AKAP19: variants seen among roughly 807,000 people sequenced by gnomAD.
AKAP19 encodes A-kinase anchoring protein 19, also known as small A-kinase anchoring protein.
At chr2:190,002,753 C>T in the AKAP19 span, among the ~76,000 whole-genome samples, 1 of 152,006 alleles carries the variant, frequency 6.6e-6, no homozygotes, top group Non-Finnish European at 1.5e-5. Context: ...TCTATTTTTT[C>T]CTTCTGTCTC....
the AKAP19 span, among the ~76,000 whole-genome samples, chr2:189,963,358 C>G: frequency 4.0e-5 from 6 of 151,464 alleles, no homozygotes; most frequent in Non-Finnish European, 8.8e-5. Context: ...CCACACCTGG[C>G]TAATTTTTTT....
chr2:189,945,358 C>G, the AKAP19 span, among the ~76,000 whole-genome samples: 1 of 152,158 alleles, frequency 6.6e-6, no homozygotes, highest in East Asian at 1.9e-4. Flanking sequence ...AGAATTGGTG[C>G]CTTCTGCCAA....
the AKAP19 span, among the ~76,000 whole-genome samples, chr2:190,083,653 G>T: frequency 4.0e-5 from 6 of 151,804 alleles, no homozygotes; most frequent in African/African-American, 1.4e-4. Context: ...GAACTCTAGG[G>T]CGTGAGTTAT....
chr2:189,885,763 G>A, the AKAP19 span, among the ~76,000 whole-genome samples: 1 of 152,050 alleles, frequency 6.6e-6, no homozygotes, highest in Non-Finnish European at 1.5e-5. Context: ...ACATAAATAT[G>A]TAGCATTTCA....
chr2:190,027,023 C>A, the AKAP19 span, among the ~76,000 whole-genome samples: 1 of 152,082 alleles, frequency 6.6e-6, no homozygotes, highest in South Asian at 2.1e-4. Context: ...CAATTATAAA[C>A]TCCAGTCTAA....
the AKAP19 span, among the ~76,000 whole-genome samples, chr2:190,177,756 G>C: frequency 2.6e-5 from 4 of 152,222 alleles, no homozygotes; most frequent in Admixed American, 2.0e-4. The surrounding 1 kb of genome is among the most constrained non-coding windows in gnomAD (Gnocchi z 4.6). Flanking sequence ...AGAGCAAAGA[G>C]TATGTGAGTG....
chr2:190,016,913 T>G, the AKAP19 span, among the ~76,000 whole-genome samples: 1 of 152,208 alleles, frequency 6.6e-6, no homozygotes, highest in Non-Finnish European at 1.5e-5. Flanking sequence ...ATTGTATTAT[T>G]ATCTCTCCTT....
the AKAP19 span, among the ~76,000 whole-genome samples, chr2:189,918,938 C>T: frequency 6.6e-6 from 1 of 152,152 alleles, no homozygotes; most frequent in African/African-American, 2.4e-5. Flanking sequence ...TTACCATAGT[C>T]CCCCCTTATC....
the AKAP19 span, among the ~76,000 whole-genome samples, chr2:190,118,019 A>C: frequency 1.3e-5 from 2 of 152,226 alleles, no homozygotes; most frequent in African/African-American, 4.8e-5. Flanking sequence ...ATGCAATAAA[A>C]AATGATAAAG....
the AKAP19 span, among the ~76,000 whole-genome samples, chr2:189,970,700 G>C: frequency 8.5e-5 from 13 of 152,272 alleles, no homozygotes; most frequent in African/African-American, 2.4e-4. Flanking sequence ...AAATCTCCTA[G>C]GCAAGAGTAT....
the AKAP19 span, chr2:189,923,455 T>C: frequency 1.2e-6 from 2 of 1,613,956 alleles, no homozygotes; most frequent in Non-Finnish European, 1.7e-6. Flanking sequence ...TTTCGAAGTA[T>C]GGCAAAATTG....
At chr2:189,992,024 A>C in the AKAP19 span, among the ~76,000 whole-genome samples, 31 of 150,690 alleles carry the variant, frequency 2.1e-4, no homozygotes, top group East Asian at 5.5e-3. Flanking sequence ...AAAATAGATG[A>C]ATTTTTATAC....
At chr2:189,967,094 C>T in the AKAP19 span, among the ~76,000 whole-genome samples, 3 of 152,160 alleles carry the variant, frequency 2.0e-5, no homozygotes, top group Non-Finnish European at 4.4e-5. Context: ...TACATAATTT[C>T]TTACCATTAT....
the AKAP19 span, among the ~76,000 whole-genome samples, chr2:190,092,631 A>G: frequency 6.6e-6 from 1 of 152,192 alleles, no homozygotes; most frequent in Non-Finnish European, 1.5e-5. Context: ...ATTTAAAAAC[A>G]TACACATTAA....
At chr2:189,900,677 T>A in the AKAP19 span, among the ~76,000 whole-genome samples, 3 of 152,206 alleles carry the variant, frequency 2.0e-5, no homozygotes, top group Non-Finnish European at 4.4e-5. Context: ...GGAGTAAAAC[T>A]TTGTCCCATA....
At chr2:190,154,888 G>C in the AKAP19 span, among the ~76,000 whole-genome samples, 1 of 152,190 alleles carries the variant, frequency 6.6e-6, no homozygotes, top group African/African-American at 2.4e-5. Context: ...AGCTAACTGG[G>C]GAGTGTAGAA....
chr2:190,044,423 C>G, the AKAP19 span, among the ~76,000 whole-genome samples: 1 of 152,170 alleles, frequency 6.6e-6, no homozygotes, highest in African/African-American at 2.4e-5. Flanking sequence ...AGACTGGAGT[C>G]TCCTTGGGTT....
chr2:190,110,918 G>A, the AKAP19 span, among the ~76,000 whole-genome samples: 1 of 152,158 alleles, frequency 6.6e-6, no homozygotes, highest in Non-Finnish European at 1.5e-5. Flanking sequence ...ATTGTAGGGC[G>A]GAGAGCTTTC....
At chr2:189,999,098 C>G in the AKAP19 span, among the ~76,000 whole-genome samples, 6 of 151,800 alleles carry the variant, frequency 4.0e-5, no homozygotes, top group South Asian at 1.3e-3. Context: ...GACTTCTCTT[C>G]TAAGCATTAT....
Sources: gnomAD v4.1 joint callset for allele counts (sites outside exome capture counted in the v4.1 genomes callset) on GRCh38, gnomAD v4.1.1 for gene constraint, Gnocchi (gnomAD v3.1) non-coding constraint, MANE v1.5 for transcripts, NCBI Gene and HGNC (gene_info 2026-07-23, HGNC 2026-07-21) for gene names.